CDH12: variants seen among roughly 807,000 people sequenced by gnomAD.
CDH12 encodes cadherin 12.
A neutral mutation model predicts 74.1 loss-of-function variants in CDH12; 41 were observed. The ratio of observed to expected loss-of-function variants is 0.55; its 90% CI spans 0.43 to 0.72. CDH12 has a LOEUF of 0.72. CDH12 is among the 30% of genes least tolerant of loss of function. The pLI is 0.00. For missense variants in CDH12, 945 were observed against 977.2 expected (o/e 0.97, Z 0.44); for synonymous variants, 399 against 355.0 (o/e 1.12, Z -1.39).
chr5:22,117,541 T>G (rs1194733800), intron 4 of CDH12, among the ~76,000 whole-genome samples: 2 of 102,700 alleles, frequency 1.9e-5, no homozygotes, highest in South Asian at 2.8e-4. Flanking sequence ...TATATATATA[T>G]AGTGTGTGCG....
chr5:21,890,618 A>G (rs750457593), intron 6 of CDH12, among the ~76,000 whole-genome samples: 3 of 152,110 alleles, frequency 2.0e-5, no homozygotes, highest in African/African-American at 7.2e-5. Context: ...TTGCATTTGT[A>G]TGTTAACAAA....
intron 1 of CDH12, among the ~76,000 whole-genome samples, chr5:22,547,437 T>C (rs1282741089): frequency 6.6e-6 from 1 of 152,172 alleles, no homozygotes; most frequent in Non-Finnish European, 1.5e-5. Context: ...TTCTCCTCAA[T>C]GAAAAATGTA....
intron 4 of CDH12, among the ~76,000 whole-genome samples, chr5:22,156,619 C>T (rs1748037762): frequency 6.6e-6 from 1 of 152,072 alleles, no homozygotes; most frequent in African/African-American, 2.4e-5. Context: ...ACAGTTTTTA[C>T]ATAAGATACT....
intron 1 of CDH12, among the ~76,000 whole-genome samples, chr5:22,625,990 C>T (rs1580828873): frequency 6.6e-6 from 1 of 152,234 alleles, no homozygotes; most frequent in Non-Finnish European, 1.5e-5. Flanking sequence ...GTGCACCCTG[C>T]TCCCCCACTG....
chr5:22,355,743 G>A (rs114905795), intron 3 of CDH12, among the ~76,000 whole-genome samples: 1,788 of 152,010 alleles, frequency 0.012, 37 homozygotes, highest in African/African-American at 0.04. Context: ...TGGGGCTCCC[G>A]GGGTGATGTC....
At chr5:21,861,250 C>T (rs1399457605) in intron 6 of CDH12, among the ~76,000 whole-genome samples, 1 of 151,394 alleles carries the variant, frequency 6.6e-6, no homozygotes, top group African/African-American at 2.4e-5. Flanking sequence ...GTATACTTAC[C>T]CACTAACCTG....
intron 4 of CDH12, among the ~76,000 whole-genome samples, chr5:22,156,533 T>C (rs1198427646): frequency 4.6e-5 from 7 of 152,148 alleles, no homozygotes; most frequent in African/African-American, 9.6e-5. Context: ...GCATATTTGC[T>C]GTCTTTAAAT....
intron 7 of CDH12, among the ~76,000 whole-genome samples, chr5:21,842,579 C>T (rs1271854055): frequency 6.6e-6 from 1 of 152,038 alleles, no homozygotes; most frequent in African/African-American, 2.4e-5. Context: ...AATGTATCAC[C>T]TCTAAGAGGT....
At position 22,709,194 on chromosome 5, in the gene CDH12, T is replaced by C. The variant is rs1415533671; in HGVS notation, c.-523+143864A>G. Among the ~76,000 whole-genome samples the C allele has an allele frequency of 1.3e-5, 2 of 152,186 alleles. 1 individual carries two copies. The highest frequency in any genetic ancestry group is 2.9e-5 in the Non-Finnish European group (2 of 68,030). ...AGAACTGCTAAATGCAAGTCAGTTC[T>C]ATGAGATCTGGGAGACAAAAAATAT... On this transcript the variant is annotated intron_variant, in intron 1 of 14. Coordinates refer to ENST00000382254, the MANE Select transcript of CDH12 (RefSeq NM_004061.5).
intron 1 of CDH12, among the ~76,000 whole-genome samples, chr5:22,604,317 C>T (rs983276888): frequency 6.6e-6 from 1 of 152,170 alleles, no homozygotes; most frequent in African/African-American, 2.4e-5. Flanking sequence ...ACAGAATTGA[C>T]AGAGTTATGT....
At chr5:21,758,309 A>G (rs1358674431) in intron 13 of CDH12, among the ~76,000 whole-genome samples, 1 of 152,138 alleles carries the variant, frequency 6.6e-6, no homozygotes, top group Non-Finnish European at 1.5e-5. Context: ...CTCACATTGC[A>G]TATTTTATTC....
At chr5:22,432,520 T>C (rs1435423126) in intron 2 of CDH12, among the ~76,000 whole-genome samples, 1 of 152,086 alleles carries the variant, frequency 6.6e-6, no homozygotes, top group Non-Finnish European at 1.5e-5. Context: ...TTTGAGACTA[T>C]GTATACACAT....
intron 3 of CDH12, among the ~76,000 whole-genome samples, chr5:22,248,315 A>AATG (rs567255877): frequency 0.01 from 1,588 of 152,108 alleles, 31 homozygotes; most frequent in African/African-American, 0.036. Context: ...TAATAATAAT[A>AATG]ATAGTAATAA....
intron 5 of CDH12, among the ~76,000 whole-genome samples, chr5:22,030,792 T>C (rs1192479526): frequency 6.6e-6 from 1 of 152,170 alleles, no homozygotes; most frequent in Non-Finnish European, 1.5e-5. Context: ...ACTTTGAAAA[T>C]CTGTTGTTTA....
intron 1 of CDH12, among the ~76,000 whole-genome samples, chr5:22,790,655 T>C (rs1262202476): frequency 6.6e-6 from 1 of 151,764 alleles, no homozygotes; most frequent in African/African-American, 2.4e-5. Context: ...ATATATATAC[T>C]TTTTCATAAT....
At chr5:22,197,644 T>G (rs1344432029) in intron 4 of CDH12, among the ~76,000 whole-genome samples, 1 of 152,170 alleles carries the variant, frequency 6.6e-6, no homozygotes, top group African/African-American at 2.4e-5. Context: ...CAGTTATTGG[T>G]AAGGACTCCT....
At chr5:22,232,647 C>A (rs1045372794) in intron 3 of CDH12, among the ~76,000 whole-genome samples, 1 of 151,324 alleles carries the variant, frequency 6.6e-6, no homozygotes, top group Non-Finnish European at 1.5e-5. Context: ...CCAGAAGATT[C>A]TAACACACTG....
chr5:21,784,338 T>C (rs887915390), intron 10 of CDH12, among the ~76,000 whole-genome samples: 1 of 152,072 alleles, frequency 6.6e-6, no homozygotes, highest in African/African-American at 2.4e-5. Context: ...AATATGACAA[T>C]TTGATAGACG....
chr5:21,995,717 TG>T (rs1437404717), intron 5 of CDH12, among the ~76,000 whole-genome samples: 1 of 151,712 alleles, frequency 6.6e-6, no homozygotes, highest in African/African-American at 2.4e-5. Flanking sequence ...TACCACTATT[TG>T]GCTACTCCAA....
Sources: allele counts gnomAD v4.1 joint callset (sites outside exome capture counted in the v4.1 genomes callset), GRCh38; gene constraint gnomAD v4.1.1; transcripts MANE v1.5; gene names NCBI Gene and HGNC (gene_info 2026-07-23, HGNC 2026-07-21).